FAM167A: variants seen among roughly 807,000 people sequenced by gnomAD.
FAM167A encodes family with sequence similarity 167 member A, also known as protein FAM167A.
Under a neutral mutation model 14.9 loss-of-function variants are expected in FAM167A, and 23 were observed. The observed-to-expected ratio is 1.55, with a 90% CI of 1.11 to 2.19. The LOEUF is 2.19. FAM167A is among the 30% of genes most tolerant of loss of function. The pLI is 0.00. For synonymous variants in FAM167A, 174 were observed against 117.7 expected, an observed-to-expected ratio of 1.48 and a Z score of -3.10; for missense variants, 401 against 281.5, an observed-to-expected ratio of 1.42 and a Z score of -3.04.
chr8:11,475,023 C>T (rs534221764), intron 1 of FAM167A, among the ~76,000 whole-genome samples: 1 of 152,122 alleles, frequency 6.6e-6, no homozygotes, highest in East Asian at 1.9e-4. Flanking sequence ...CCATGGGAGT[C>T]CCCTGGACAC....
upstream of FAM167A, among the ~76,000 whole-genome samples, chr8:11,468,266 GC>G (rs1213393138): frequency 6.6e-6 from 1 of 152,218 alleles, no homozygotes; most frequent in African/African-American, 2.4e-5. Flanking sequence ...CAGGGGCCTG[GC>G]TGGCCTCTGT....
intron 2 of FAM167A, among the ~76,000 whole-genome samples, chr8:11,436,163 C>G (rs923165931): frequency 6.6e-6 from 1 of 152,248 alleles, no homozygotes; most frequent in Non-Finnish European, 1.5e-5. Flanking sequence ...GTTATTGTCT[C>G]TATCACCAAG....
chr8:11,450,014 G>C (rs1806960702), intron 1 of FAM167A, among the ~76,000 whole-genome samples: 1 of 152,212 alleles, frequency 6.6e-6, no homozygotes, highest in South Asian at 2.1e-4. Flanking sequence ...CGCTCCTGCT[G>C]TTCCTTCCAG....
intron 2 of FAM167A, among the ~76,000 whole-genome samples, chr8:11,439,471 C>T (rs936158909): frequency 3.3e-5 from 5 of 152,272 alleles, no homozygotes; most frequent in Non-Finnish European, 7.3e-5. Flanking sequence ...GCAGCCCCCT[C>T]GAAGCCACGC....
At chr8:11,442,230 G>A (rs1158288675) in intron 2 of FAM167A, among the ~76,000 whole-genome samples, 1 of 152,174 alleles carries the variant, frequency 6.6e-6, no homozygotes, top group African/African-American at 2.4e-5. Context: ...TCACAGGCCT[G>A]GCAGGAGATG....
chr8:11,431,402 G>A (rs749243257), intron 2 of FAM167A, among the ~76,000 whole-genome samples: 2 of 152,230 alleles, frequency 1.3e-5, no homozygotes, highest in South Asian at 2.1e-4. Context: ...GGGATGGGGA[G>A]TTAGCGTTTA....
intron 1 of FAM167A, among the ~76,000 whole-genome samples, chr8:11,448,999 C>A (rs535892526): frequency 6.6e-5 from 10 of 152,340 alleles, no homozygotes; most frequent in Admixed American, 2.0e-4. Flanking sequence ...TGTGGAGAGG[C>A]CTGAGTTGGG....
intron 2 of FAM167A, chr8:11,438,112 G>A (rs770161843): frequency 8.8e-6 from 4 of 456,576 alleles, no homozygotes; most frequent in East Asian, 1.4e-4. Context: ...GAAGCCAGGC[G>A]GCCAGTGGAG....
intron 1 of FAM167A, among the ~76,000 whole-genome samples, chr8:11,458,306 G>T (rs1807410903): frequency 6.6e-6 from 1 of 152,206 alleles, no homozygotes; most frequent in African/African-American, 2.4e-5. Flanking sequence ...GGAGCTGATG[G>T]CTTCCTCCCT....
chr8:11,438,046 T>G (rs955994595), intron 2 of FAM167A: 1 of 398,092 alleles, frequency 2.5e-6, no homozygotes, highest in Admixed American at 3.4e-5. Flanking sequence ...GAAGGGAAAC[T>G]TCACAAAGAC....
chr8:11,472,744 C>G (rs1187678631), intron 1 of FAM167A, among the ~76,000 whole-genome samples: 13 of 152,174 alleles, frequency 8.5e-5, no homozygotes, highest in Non-Finnish European at 1.9e-4. Context: ...GGCTCTTTTA[C>G]TAACTGGAAC....
upstream of FAM167A, among the ~76,000 whole-genome samples, chr8:11,470,777 C>T (rs977564515): frequency 6.6e-6 from 1 of 152,052 alleles, no homozygotes; most frequent in Non-Finnish European, 1.5e-5. Flanking sequence ...CAGCCCAGGG[C>T]CAGAGTCCAC....
chr8:11,447,957 A>G (rs1418437852), intron 1 of FAM167A, among the ~76,000 whole-genome samples: 1 of 152,182 alleles, frequency 6.6e-6, no homozygotes, highest in African/African-American at 2.4e-5. Context: ...GCACTTTGGG[A>G]GGCCGAGGCG....
intron 2 of FAM167A, among the ~76,000 whole-genome samples, chr8:11,437,660 A>G (rs1450949830): frequency 6.6e-6 from 1 of 152,182 alleles, no homozygotes; most frequent in Non-Finnish European, 1.5e-5. Context: ...TGGAATCTGA[A>G]TTTCCATGGA....
intron 2 of FAM167A, among the ~76,000 whole-genome samples, chr8:11,428,836 G>A (rs988043759): frequency 1.3e-5 from 2 of 152,116 alleles, no homozygotes; most frequent in Non-Finnish European, 2.9e-5. Context: ...CTTGAGCCCC[G>A]ATTAGGAGGT....
chr8:11,466,640 G>A lies in FAM167A; in HGVS notation c.-412C>T, dbSNP rs1285889164. 3 of 152,456 alleles carry A rather than the reference G, an allele frequency of 2.0e-5. No individual in the cohort carries two copies. Among genetic ancestry groups the A allele is most frequent in the Admixed American group, 6.5e-5 (1 of 15,288 alleles). 9.4% of individuals were successfully genotyped at this position (152,456 alleles called of 1,614,324 possible). On this transcript the variant is annotated 5_prime_UTR_variant, in exon 1 of 3. Transcript: ENST00000284486. ...CGCGAACCCACCTTCCGGGAGCCCAGGGGCCCTGCTGGGGACTCGCCGGTG... is the reference window on the plus strand; with the variant it reads ...CGCGAACCCACCTTCCGGGAGCCCAAGGGCCCTGCTGGGGACTCGCCGGTG...
chr8:11,455,088 G>A (rs750453165), intron 1 of FAM167A, among the ~76,000 whole-genome samples: 5 of 152,222 alleles, frequency 3.3e-5, no homozygotes, highest in Admixed American at 1.3e-4. Flanking sequence ...ACCTGACCCC[G>A]GCCCCAGTGC....
intron 1 of FAM167A, among the ~76,000 whole-genome samples, chr8:11,463,363 G>A (rs766405473): frequency 1.3e-5 from 2 of 152,200 alleles, no homozygotes; most frequent in African/African-American, 2.4e-5. Context: ...TCAACTTGAT[G>A]GTGGACAGTG....
chr8:11,454,982 G>A (rs976969333), intron 1 of FAM167A, among the ~76,000 whole-genome samples: 1 of 152,212 alleles, frequency 6.6e-6, no homozygotes, highest in African/African-American at 2.4e-5. Flanking sequence ...GTCTAGCCCT[G>A]GCGCTCATCT....
Sources: gnomAD v4.1 joint callset for allele counts (sites outside exome capture counted in the v4.1 genomes callset) on GRCh38, gnomAD v4.1.1 for gene constraint, MANE v1.5 for transcripts, NCBI Gene and HGNC (gene_info 2026-07-23, HGNC 2026-07-21) for gene names.